The following CTNNA2 variants were observed in gnomAD, a reference collection of about 807,000 sequenced individuals.
The protein encoded by CTNNA2 is catenin alpha 2.
CTNNA2 carries 42 observed loss-of-function variants against 101.0 expected under a neutral mutation model. The observed-to-expected ratio is 0.42, with a 90% CI of 0.32 to 0.54. The LOEUF is 0.54. Ranked by LOEUF, CTNNA2 falls within the 20% of genes least tolerant of loss-of-function variation. The pLI is 0.14. For synonymous variants in CTNNA2, 450 were observed against 456.4 expected, an observed-to-expected ratio of 0.99 and a Z score of 0.18; for missense variants, 871 against 1,223.1, an observed-to-expected ratio of 0.71 and a Z score of 4.29.
At chr2:79,706,667 T>C (rs183002700) in intron 2 of CTNNA2, among the ~76,000 whole-genome samples, 65 of 152,068 alleles carry the variant, frequency 4.3e-4, no homozygotes, top group African/African-American at 1.4e-3. Context: ...GTAGTAAGAG[T>C]CCCAGATGGC....
At chr2:79,844,754 G>A (rs1022944525) in intron 3 of CTNNA2, among the ~76,000 whole-genome samples, 2 of 152,112 alleles carry the variant, frequency 1.3e-5, no homozygotes, top group Non-Finnish European at 2.9e-5. Context: ...ATTGATGCAG[G>A]CTTGCTCAAT....
At chr2:80,574,083 C>T in intron 12 of CTNNA2, 80 bp from the exon 13 acceptor site, 1 of 1,476,070 alleles carries the variant, frequency 6.8e-7, no homozygotes, top group South Asian at 1.3e-5. Flanking sequence ...GCCCGAGGAC[C>T]TGCCACTTCG....
At chr2:80,459,390 T>C (rs1011480420) in intron 9 of CTNNA2, among the ~76,000 whole-genome samples, 13 of 152,174 alleles carry the variant, frequency 8.5e-5, no homozygotes, top group Non-Finnish European at 1.8e-4. Flanking sequence ...ACAGTTCACC[T>C]TGACATTGAG....
At chr2:79,717,445 G>C (rs1270139285) in intron 2 of CTNNA2, among the ~76,000 whole-genome samples, 1 of 152,186 alleles carries the variant, frequency 6.6e-6, no homozygotes, top group African/African-American at 2.4e-5. Context: ...GCTAAAGGAA[G>C]TGTGGTTCAG....
At chr2:79,481,382 GCA>G (rs1368720395) in intron 4 of CTNNA2, among the ~76,000 whole-genome samples, 2 of 152,028 alleles carry the variant, frequency 1.3e-5, no homozygotes, top group East Asian at 3.9e-4. Context: ...TTCCCAAATT[GCA>G]ATAATCTAGA....
chr2:80,215,537 T>C (rs1708210298), intron 7 of CTNNA2, among the ~76,000 whole-genome samples: 1 of 152,218 alleles, frequency 6.6e-6, no homozygotes, highest in Non-Finnish European at 1.5e-5. Flanking sequence ...CTCCAGACGC[T>C]GTTTGCCTGG....
At chr2:79,272,180 C>A (rs571825820) in intron 2 of CTNNA2, among the ~76,000 whole-genome samples, 1 of 152,088 alleles carries the variant, frequency 6.6e-6, no homozygotes, top group East Asian at 1.9e-4. Context: ...TTAAGGTAGA[C>A]AACTGACTAC....
chr2:80,258,996 G>A (rs1323024476), intron 7 of CTNNA2, among the ~76,000 whole-genome samples: 5 of 152,096 alleles, frequency 3.3e-5, no homozygotes, highest in South Asian at 4.1e-4. Context: ...GGATAATGTC[G>A]AGTTAGTAGA....
intron 6 of CTNNA2, among the ~76,000 whole-genome samples, chr2:79,875,875 T>G (rs1426263664): frequency 6.6e-6 from 1 of 152,170 alleles, no homozygotes; most frequent in Non-Finnish European, 1.5e-5. Flanking sequence ...AAATAATGTT[T>G]ACTTTATATA....
intron 2 of CTNNA2, among the ~76,000 whole-genome samples, chr2:79,709,773 G>T (rs1036961493): frequency 4.6e-5 from 7 of 152,072 alleles, no homozygotes; most frequent in Non-Finnish European, 8.8e-5. Context: ...GTAGGGTGGG[G>T]TACAGAGCGA....
At chr2:79,925,004 C>T (rs1574325860) in intron 7 of CTNNA2, among the ~76,000 whole-genome samples, 1 of 151,978 alleles carries the variant, frequency 6.6e-6, no homozygotes, top group African/African-American at 2.4e-5. Context: ...TGATAACAGT[C>T]GCACAAGTGA....
intron 2 of CTNNA2, among the ~76,000 whole-genome samples, chr2:79,231,196 C>A (rs1237048403): frequency 6.6e-6 from 1 of 152,080 alleles, no homozygotes; most frequent in African/African-American, 2.4e-5. Flanking sequence ...GTGCCCCCAC[C>A]CAAATCTCAA....
intron 2 of CTNNA2, among the ~76,000 whole-genome samples, chr2:79,657,516 C>G (rs1417608143): frequency 6.6e-6 from 1 of 151,814 alleles, no homozygotes; most frequent in Non-Finnish European, 1.5e-5. Context: ...CGCTGATATT[C>G]CAGTGTTCTT....
chr2:80,473,014 C>T (rs574978286), intron 9 of CTNNA2, among the ~76,000 whole-genome samples: 2 of 152,292 alleles, frequency 1.3e-5, no homozygotes, highest in East Asian at 1.9e-4. Flanking sequence ...AGGCATCACA[C>T]AGTCACCAAG....
intron 11 of CTNNA2, among the ~76,000 whole-genome samples, chr2:80,551,456 T>C (rs775803561): frequency 9.9e-5 from 15 of 152,226 alleles, no homozygotes; most frequent in African/African-American, 2.4e-4. Context: ...CTTGTCAACA[T>C]TGAAAACTTG....
At chr2:79,306,023 G>A (rs1676234530) in intron 2 of CTNNA2, among the ~76,000 whole-genome samples, 1 of 142,866 alleles carries the variant, frequency 7.0e-6, no homozygotes, top group Non-Finnish European at 1.5e-5. Flanking sequence ...TCCAGCCTGG[G>A]CAACAGAGCG....
chr2:80,487,259 C>T (rs1255590988), intron 9 of CTNNA2, among the ~76,000 whole-genome samples: 8 of 138,964 alleles, frequency 5.8e-5, no homozygotes, highest in African/African-American at 1.1e-4. Context: ...CCAGCCTGGG[C>T]GACAGAGCAA....
chr2:79,337,574 A>C (rs1558633345), intron 3 of CTNNA2, among the ~76,000 whole-genome samples: 1 of 152,196 alleles, frequency 6.6e-6, no homozygotes, highest in Non-Finnish European at 1.5e-5. Flanking sequence ...AAAAGTAGAA[A>C]AAGAAGACTT....
At chr2:79,594,980 T>A (rs537221016) in intron 1 of CTNNA2, among the ~76,000 whole-genome samples, 1 of 152,232 alleles carries the variant, frequency 6.6e-6, no homozygotes, top group African/African-American at 2.4e-5. Context: ...AAAGATTGTG[T>A]TTCCCCCAAG....
Sources: gnomAD v4.1 joint callset for allele counts (sites outside exome capture counted in the v4.1 genomes callset) on GRCh38, gnomAD v4.1.1 for gene constraint, MANE v1.5 for transcripts, NCBI Gene and HGNC (gene_info 2026-07-23, HGNC 2026-07-21) for gene names.